OS9: variants seen among roughly 807,000 people sequenced by gnomAD.
OS9 encodes the protein protein OS-9.
A neutral mutation model predicts 84.7 loss-of-function variants in OS9; 58 were observed. The observed-to-expected ratio is 0.68, with a 90% CI of 0.55 to 0.85. OS9 has a LOEUF of 0.85. OS9 is among the 40% of genes least tolerant of loss of function. The pLI is 0.00. For missense variants in OS9, 760 were observed against 850.9 expected, an observed-to-expected ratio of 0.89 and a Z score of 1.33; for synonymous variants, 278 against 320.8, an observed-to-expected ratio of 0.87 and a Z score of 1.43.
At chr12:57,699,793 A>T (rs1953965576) in intron 5 of OS9, among the ~76,000 whole-genome samples, 1 of 152,124 alleles carries the variant, frequency 6.6e-6, no homozygotes, top group South Asian at 2.1e-4. Context: ...TGTTGAGAAA[A>T]GTGGTGAAAA....
chr12:57,702,573 ATTCTTTT>A (rs1954057844), intron 5 of OS9, among the ~76,000 whole-genome samples: 1 of 152,140 alleles, frequency 6.6e-6, no homozygotes, highest in Non-Finnish European at 1.5e-5. Flanking sequence ...CCTGTTTTCA[ATTCTTTT>A]GGGTCTGTAC....
intron 7 of OS9, 25 bp downstream of exon 7, chr12:57,716,218 G>A (rs746971285): frequency 3.2e-5 from 47 of 1,464,038 alleles, no homozygotes; most frequent in East Asian, 4.7e-5. Flanking sequence ...CACCTGTTCC[G>A]TGAAACTCAC....
At position 57,716,736 on chromosome 12, in the gene OS9, C is replaced by T. The variant is rs1314193926; in HGVS notation, c.1037C>T (p.Ala346Val). 1 of 1,613,674 alleles carries T rather than the reference C, an allele frequency of 6.2e-7. No homozygotes were observed. Among genetic ancestry groups the T allele is most frequent in the South Asian group, 1.1e-5 (1 of 91,078 alleles). Residue 346 changes from alanine to valine, a missense_variant, in exon 9 of 15, where the codon GCT (alanine) becomes GTT (valine). By Grantham distance (64) the Ala-to-Val change is moderately conservative (BLOSUM62 0). Transcript: ENST00000315970. ...GAGGCAGCAGATTCAGCTTCTGGTG[C>T]TCCCAATGGTGAGTGAACCTTCCAT... ...SPEAADSASG[A>V]PNDFQNNVQV...
chr12:57,700,411 A>G (rs1236844372), intron 5 of OS9, among the ~76,000 whole-genome samples: 1 of 148,358 alleles, frequency 6.7e-6, no homozygotes, highest in Non-Finnish European at 1.5e-5. Flanking sequence ...CGTAACTGGA[A>G]TGGTGTATTT....
intron 5 of OS9, among the ~76,000 whole-genome samples, 188 bp downstream of exon 5, chr12:57,696,561 C>T (rs1367822775): frequency 6.6e-6 from 1 of 151,350 alleles, no homozygotes; most frequent in Non-Finnish European, 1.5e-5. Flanking sequence ...TTTGGGAGGC[C>T]GAGGCGGGCA....
chr12:57,713,592 C>T (rs769490245), intron 5 of OS9, among the ~76,000 whole-genome samples: 6 of 152,002 alleles, frequency 3.9e-5, no homozygotes, highest in Admixed American at 6.6e-5. Flanking sequence ...AATTTAGTTG[C>T]TGTATCTTGG....
In OS9 at chr12:57,716,053, A is replaced by T. The variant is rs777258333; in HGVS notation, c.791-39A>T. ...AGATCAAGTATTGAATAGCTGGAGGAATGTGTTCCTGGCCTGCTTGCATGC... is the reference window on the plus strand; with the variant it reads ...AGATCAAGTATTGAATAGCTGGAGGTATGTGTTCCTGGCCTGCTTGCATGC... On this transcript the variant is annotated intron_variant, in intron 6 of 14. Coordinates refer to ENST00000315970, the MANE Select transcript of OS9 (RefSeq NM_006812.4). 11 of 1,593,916 alleles carry T rather than the reference A, an allele frequency of 6.9e-6. No individual in the cohort carries two copies. In the South Asian group the frequency reaches 1.1e-4, roughly 16 times the overall value.
rs1954506456 is a variant in OS9 at position 57,716,582 on chromosome 12, G to GTGA, written c.993+71_993+73dup. On this transcript the variant is annotated intron_variant, in intron 8 of 14. Transcript: ENST00000315970. ...TCACTGCAGCTGGGGCCATTGTGAGGTGACCTACATCTACCTAGGGATGCA... is the reference window on the plus strand; with the variant it reads ...TCACTGCAGCTGGGGCCATTGTGAGGTGATGACCTACATCTACCTAGGGATGCA... The GTGA allele has an allele frequency of 2.0e-6, 3 of 1,507,554 alleles. No homozygotes were observed. The Middle Eastern group carries it at 5.1e-4, about 258-fold the overall frequency. The allele number at this position is 1,507,554 out of a possible 1,614,324, so 93.4% of individuals were successfully genotyped here.
intron 5 of OS9, among the ~76,000 whole-genome samples, chr12:57,703,270 A>AT (rs994297554): frequency 2.0e-5 from 3 of 150,724 alleles, no homozygotes; most frequent in Admixed American, 1.3e-4. Flanking sequence ...TTTGAGGTTA[A>AT]TTTTTTTTTC....
rs1349684318 is a variant in OS9, at chr12:57,718,974, C to T, written c.1411-19C>T. On this transcript the variant is annotated intron_variant, in intron 11 of 14. Transcript: ENST00000315970. ...ACACCCCAGACCCTTGACTCACTCT[C>T]TTCTCTTGGGTATTCCAGACAGAGA... The T allele has an allele frequency of 1.9e-6, 3 of 1,601,482 alleles. No homozygotes were observed. The highest frequency in any genetic ancestry group is 1.3e-5 in the African/African-American group (1 of 74,542).
At chr12:57,694,411 T>A in intron 1 of OS9, 88 bp downstream of exon 1, 2 of 1,404,514 alleles carry the variant, frequency 1.4e-6, no homozygotes, top group Non-Finnish European at 9.9e-7. Flanking sequence ...AGTCTGGGGC[T>A]GGAGCCTACG....
intron 5 of OS9, among the ~76,000 whole-genome samples, chr12:57,709,097 C>T (rs1352199541): frequency 6.6e-6 from 1 of 152,110 alleles, no homozygotes; most frequent in Non-Finnish European, 1.5e-5. Context: ...TTCTCTACTC[C>T]CTTCTTTACT....
At chr12:57,718,890 C>A in intron 11 of OS9, 103 bp from the exon 12 acceptor site, 1 of 842,458 alleles carries the variant, frequency 1.2e-6, no homozygotes, top group Non-Finnish European at 1.9e-6. Flanking sequence ...GGGTGATAAG[C>A]AAAACTCCAT....
At chr12:57,695,904 C>T in intron 3 of OS9, 58 bp from the exon 4 acceptor site, 8 of 1,543,834 alleles carry the variant, frequency 5.2e-6, no homozygotes, top group Middle Eastern at 1.7e-4. Flanking sequence ...TTCCCCAGTT[C>T]CCTCCTCCTC....
At chr12:57,703,762 AT>A (rs34277509) in intron 5 of OS9, among the ~76,000 whole-genome samples, 78,709 of 150,416 alleles carry the variant, frequency 0.52, 20,820 homozygotes, top group Middle Eastern at 0.66. Context: ...GAATTTTAAG[AT>A]TTTTTTTTTT....
chr12:57,707,254 A>G (rs1213365550), intron 5 of OS9, among the ~76,000 whole-genome samples: 3 of 152,166 alleles, frequency 2.0e-5, no homozygotes, highest in Non-Finnish European at 2.9e-5. Flanking sequence ...TATTTCACTA[A>G]CATTGTATTA....
intron 5 of OS9, among the ~76,000 whole-genome samples, chr12:57,708,167 A>C (rs902264698): frequency 6.6e-6 from 1 of 152,198 alleles, no homozygotes; most frequent in African/African-American, 2.4e-5. Flanking sequence ...CAACTATAGA[A>C]ATGCTTAAAA....
Position 57,716,403 on chromosome 12 carries a change from G to C in OS9, c.893-9G>C. The C allele has an allele frequency of 1.3e-6, 2 of 1,549,802 alleles. No homozygotes were observed. Among genetic ancestry groups the C allele is most frequent in the Middle Eastern group, 1.7e-4 (1 of 5,990 alleles). On this transcript the variant is annotated splice_polypyrimidine_tract_variant and intron_variant, in intron 7 of 14. Coordinates refer to ENST00000315970, the MANE Select transcript of OS9 (RefSeq NM_006812.4). ...TCAGATCAGTCTCTCCCTGTTCTCT[G>C]TACCCTAGGTGCGAGCCCGACCAAG...
Position 57,694,256 on chromosome 12 carries a change from A to T in OS9, c.95A>T (p.Asn32Ile), listed in dbSNP as rs1321389127. Residue 32 changes from asparagine (N) to isoleucine (I), a missense_variant, in exon 1 of 15, where the codon AAC (asparagine) becomes ATC (isoleucine). Coordinates refer to ENST00000315970, the MANE Select transcript of OS9 (RefSeq NM_006812.4). ...ASLTGGVGSLNLEELSEMRYG... is the reference protein window; with the variant it reads ...ASLTGGVGSLILEELSEMRYG... Reference sequence around the variant, plus strand: ...CTGACCGGCGGTGTCGGGAGCCTGAACCTGGAGGAGCTGAGTGAGATGCGT... The same window carrying T: ...CTGACCGGCGGTGTCGGGAGCCTGATCCTGGAGGAGCTGAGTGAGATGCGT... 3.7e-6 allele frequency: 6 copies of T among 1,614,140 alleles called. No individual in the cohort carries two copies. The highest frequency in any genetic ancestry group is 5.1e-6 in the Non-Finnish European group (6 of 1,180,034).
Sources: gnomAD v4.1 joint callset for allele counts (sites outside exome capture counted in the v4.1 genomes callset) on GRCh38, gnomAD v4.1.1 for gene constraint, MANE v1.5 for transcripts, NCBI Gene and HGNC (gene_info 2026-07-23, HGNC 2026-07-21) for gene names.